Variants in DSCAML1 observed in about 807,000 individuals in gnomAD.
DSCAML1 encodes DS cell adhesion molecule like 1.
A neutral mutation model predicts 200.5 loss-of-function variants in DSCAML1; 38 were observed. The observed-to-expected ratio is 0.19, with a 90% CI of 0.15 to 0.25. DSCAML1 has a LOEUF of 0.25. DSCAML1 is among the 10% of genes least tolerant of loss of function. DSCAML1 has a pLI of 1.00. For synonymous variants in DSCAML1, 1,215 were observed against 1,165.0 expected (o/e 1.04, Z -0.87); for missense variants, 2,223 against 2,858.8 (o/e 0.78, Z 5.07).
At chr11:117,730,896 C>T (rs542224533) in intron 3 of DSCAML1, among the ~76,000 whole-genome samples, 3 of 152,204 alleles carry the variant, frequency 2.0e-5, no homozygotes, top group South Asian at 2.1e-4. Context: ...TGAAAAAAGC[C>T]GGACACAAAA....
chr11:117,751,876 C>T (rs1388118214), intron 3 of DSCAML1, among the ~76,000 whole-genome samples: 1 of 152,136 alleles, frequency 6.6e-6, no homozygotes, highest in Non-Finnish European at 1.5e-5. Context: ...CTCAGCTCCC[C>T]ACACCAGGTC....
intron 3 of DSCAML1, among the ~76,000 whole-genome samples, chr11:117,761,905 C>G (rs1322605908): frequency 3.9e-5 from 6 of 152,142 alleles, no homozygotes; most frequent in Non-Finnish European, 5.9e-5. Flanking sequence ...GGGATGATAA[C>G]AGTTCCACCC....
chr11:117,652,801 C>A (rs1398677040), intron 3 of DSCAML1, among the ~76,000 whole-genome samples: 1 of 152,174 alleles, frequency 6.6e-6, no homozygotes, highest in Non-Finnish European at 1.5e-5. Context: ...ACCCCCTCAG[C>A]CCCATAAAAG....
rs184243003 is a variant in DSCAML1 at position 117,469,185 on chromosome 11, C to T, written c.3024+725G>A. Among the ~76,000 whole-genome samples the T allele has an allele frequency of 1.8e-4, 27 of 152,256 alleles. No individual in the cohort carries two copies. Among genetic ancestry groups the T allele is most frequent in the Middle Eastern group, 3.4e-3 (1 of 292 alleles). On this transcript the variant is annotated intron_variant, in intron 16 of 32. Coordinates refer to ENST00000651296, the MANE Select transcript of DSCAML1 (RefSeq NM_020693.4). This position sits in a 1 kb window ranked among gnomAD's most constrained non-coding sequence, Gnocchi z 4.1. The stretch of plus-strand genomic sequence containing the variant: ...ATAAAAGTGCCTTCTCTCGCTGCTC[C>T]CCAGGAATGAGGAGAGGGTCAGATG...
intron 2 of DSCAML1, among the ~76,000 whole-genome samples, chr11:117,779,836 A>G (rs980310351): frequency 2.0e-5 from 3 of 152,210 alleles, no homozygotes; most frequent in African/African-American, 7.2e-5. Context: ...TCTCAGTGTT[A>G]GTTGAAGTTT....
chr11:117,733,327 C>T (rs986239763), intron 3 of DSCAML1, among the ~76,000 whole-genome samples: 9 of 152,162 alleles, frequency 5.9e-5, no homozygotes, highest in African/African-American at 2.2e-4. Flanking sequence ...GGTCTGGTAG[C>T]GCACTGCCTC....
intron 3 of DSCAML1, among the ~76,000 whole-genome samples, chr11:117,772,554 G>C (rs2055058728): frequency 6.6e-6 from 1 of 152,172 alleles, no homozygotes; most frequent in Admixed American, 6.5e-5. Context: ...TCCCCGCTGG[G>C]GCCAAGATAG....
At chr11:117,508,978 TTAAC>T (rs1310299245) in intron 8 of DSCAML1, among the ~76,000 whole-genome samples, 2 of 152,078 alleles carry the variant, frequency 1.3e-5, no homozygotes, top group South Asian at 2.1e-4. Flanking sequence ...AATTCATTAA[TTAAC>T]TAATTCATCT....
chr11:117,593,716 T>G lies in DSCAML1; in HGVS notation c.512-61194A>C, dbSNP rs535957516. 4.9e-4 allele frequency among the ~76,000 whole-genome samples: 73 copies of G among 147,800 alleles called. No individual in the cohort carries two copies. In the East Asian group the frequency reaches 0.014, roughly 28 times the overall value. On this transcript the variant is annotated intron_variant, in intron 3 of 32. Coordinates refer to ENST00000651296, the MANE Select transcript of DSCAML1 (RefSeq NM_020693.4). ...TTGAACTCACTATATTTCTTGTTTT[T>G]TTTTTTTTTTTTTGAGATGGAGTCT...
At chr11:117,814,909 G>A (rs1398876611) in intron 1 of DSCAML1, among the ~76,000 whole-genome samples, 1 of 152,242 alleles carries the variant, frequency 6.6e-6, no homozygotes, top group African/African-American at 2.4e-5. Flanking sequence ...GAGACCTGAA[G>A]TAGTATTTAC....
At chr11:117,612,826 A>G (rs2051724045) in intron 3 of DSCAML1, among the ~76,000 whole-genome samples, 1 of 152,198 alleles carries the variant, frequency 6.6e-6, no homozygotes, top group Non-Finnish European at 1.5e-5. Flanking sequence ...ATGGTAGCTG[A>G]GGAGCCTATG....
chr11:117,602,572 G>A (rs574437415), intron 3 of DSCAML1, among the ~76,000 whole-genome samples: 1 of 152,100 alleles, frequency 6.6e-6, no homozygotes, highest in East Asian at 1.9e-4. Flanking sequence ...TGTTGCCCAG[G>A]CTGGTCTTGA....
At chr11:117,797,219 G>T, upstream of DSCAML1, 1 of 1,488,396 alleles carries the variant, frequency 6.7e-7, no homozygotes, top group Non-Finnish European at 8.9e-7. Context: ...GCTCGGCTGC[G>T]GCGGCGGCTC....
In DSCAML1 at chr11:117,453,269, A is replaced by G. The variant is rs1366150653; in HGVS notation, c.3569-2581T>C. Among the ~76,000 whole-genome samples the G allele has an allele frequency of 2.0e-5, 3 of 152,294 alleles. No homozygotes were observed. In the East Asian group the frequency reaches 5.8e-4, roughly 29 times the overall value. On this transcript the variant is annotated intron_variant, in intron 19 of 32. Coordinates refer to ENST00000651296, the MANE Select transcript of DSCAML1 (RefSeq NM_020693.4). ...TTTATTTTAATTCTGTATATACATC[A>G]TCATCATCACTGCTGTTTTATGCGG...
At chr11:117,477,407 T>C (rs1475632221) in intron 14 of DSCAML1, among the ~76,000 whole-genome samples, 1 of 150,162 alleles carries the variant, frequency 6.7e-6, no homozygotes, top group Non-Finnish European at 1.5e-5. Context: ...TGTGTGTATG[T>C]GTATATTCTC....
chr11:117,785,107 C>T (rs1461953909), intron 1 of DSCAML1, among the ~76,000 whole-genome samples: 1 of 152,150 alleles, frequency 6.6e-6, no homozygotes, highest in Non-Finnish European at 1.5e-5. Flanking sequence ...GAGATATTTA[C>T]CAAGCACCAG....
chr11:117,428,884 G>GC, intron 32 of DSCAML1, 81 bp from the exon 33 acceptor site: 1 of 1,345,390 alleles, frequency 7.4e-7, no homozygotes, highest in South Asian at 1.3e-5. Context: ...CCCATCCCCT[G>GC]CCCCCAGTCT....
intron 3 of DSCAML1, among the ~76,000 whole-genome samples, chr11:117,694,094 TTTTTTAAATTGAG>T (rs2053545165): frequency 8.4e-6 from 1 of 118,374 alleles, no homozygotes; most frequent in Admixed American, 9.1e-5. Flanking sequence ...TATATATATA[TTTTTTAAATTGAG>T]ATATGTGTCC....
intron 2 of DSCAML1, among the ~76,000 whole-genome samples, chr11:117,777,867 G>A (rs559340508): frequency 6.6e-6 from 1 of 152,288 alleles, no homozygotes; most frequent in African/African-American, 2.4e-5. Flanking sequence ...CCTCTGTTTG[G>A]CCTCTCCCAG....
Sources: allele counts gnomAD v4.1 joint callset (sites outside exome capture counted in the v4.1 genomes callset), GRCh38; gene constraint gnomAD v4.1.1; non-coding constraint Gnocchi (gnomAD v3.1); transcripts MANE v1.5; gene names NCBI Gene and HGNC (gene_info 2026-07-23, HGNC 2026-07-21).